TENM2: variants seen among roughly 807,000 people sequenced by gnomAD.
TENM2 encodes the protein teneurin transmembrane protein 2.
Under a neutral mutation model 245.2 loss-of-function variants are expected in TENM2, and 52 were observed. The ratio of observed to expected loss-of-function variants is 0.21; its 90% CI spans 0.17 to 0.27. TENM2 has a LOEUF of 0.27. Among genes scored for constraint, TENM2 ranks in the 10% least tolerant of loss-of-function variants. TENM2 has a pLI of 1.00. For missense variants in TENM2, 3,046 were observed against 3,666.8 expected (o/e 0.83, Z 4.37); for synonymous variants, 1,363 against 1,438.9 (o/e 0.95, Z 1.19).
chr5:167,394,103 C>A (rs746458585), intron 2 of TENM2, among the ~76,000 whole-genome samples: 2 of 152,094 alleles, frequency 1.3e-5, no homozygotes, highest in Non-Finnish European at 2.9e-5. Context: ...TGCTAGTATT[C>A]TTTGCTGTGC....
At chr5:167,130,400 T>G in the TENM2 span, among the ~76,000 whole-genome samples, 1 of 152,202 alleles carries the variant, frequency 6.6e-6, no homozygotes, top group Non-Finnish European at 1.5e-5. Flanking sequence ...GCTTTTACAT[T>G]TATTAAGCCC....
At position 167,606,724 on chromosome 5, in the gene TENM2, C is replaced by T. The variant is rs374287821; in HGVS notation, c.502+231251C>T. On this transcript the variant is annotated intron_variant, in intron 2 of 28. Transcript: ENST00000518659. ...TGCATTTAATGCTTGCCAGGCCTAA[C>T]TCTTCATCCTGTTAGTGATGTAATT... 2.0e-3 allele frequency among the ~76,000 whole-genome samples: 305 copies of T among 152,280 alleles called. 15 individuals are homozygous for T. The South Asian group carries it at 0.061, about 31-fold the overall frequency.
At chr5:167,089,771 T>C in the TENM2 span, among the ~76,000 whole-genome samples, 2 of 152,130 alleles carry the variant, frequency 1.3e-5, no homozygotes, top group Non-Finnish European at 2.9e-5. Context: ...GGAAGAAATA[T>C]CACTTCGCTC....
At chr5:168,059,829 A>C (rs978214080) in intron 6 of TENM2, among the ~76,000 whole-genome samples, 3 of 152,182 alleles carry the variant, frequency 2.0e-5, no homozygotes, top group Non-Finnish European at 4.4e-5. Flanking sequence ...CCTTACAGGT[A>C]ATAATACTTA....
At chr5:167,036,076 A>G in the TENM2 span, among the ~76,000 whole-genome samples, 1 of 152,194 alleles carries the variant, frequency 6.6e-6, no homozygotes, top group Non-Finnish European at 1.5e-5. Context: ...CTGCAAAGAA[A>G]GTTAAACAAG....
intron 2 of TENM2, among the ~76,000 whole-genome samples, chr5:167,846,736 T>C (rs1283444152): frequency 6.6e-6 from 1 of 152,260 alleles, no homozygotes; most frequent in African/African-American, 2.4e-5. Context: ...GACCAATTTA[T>C]TGAACAAGAA....
chr5:167,258,214 T>C, the TENM2 span, among the ~76,000 whole-genome samples: 94,674 of 143,126 alleles, frequency 0.66, 32,419 homozygotes, highest in Middle Eastern at 0.87. Flanking sequence ...TATATATATA[T>C]GTATATATAT....
chr5:167,187,659 C>G, the TENM2 span, among the ~76,000 whole-genome samples: 1 of 152,074 alleles, frequency 6.6e-6, no homozygotes, highest in South Asian at 2.1e-4. Context: ...ATTTCGACCT[C>G]CTTCTCTTCT....
chr5:167,310,267 T>G (rs1442551239), intron 1 of TENM2, among the ~76,000 whole-genome samples: 3 of 152,198 alleles, frequency 2.0e-5, no homozygotes, highest in African/African-American at 7.2e-5. Flanking sequence ...ATAAGCAGTT[T>G]TATTTGCAAT....
chr5:167,999,114 G>C (rs750315682), intron 5 of TENM2, among the ~76,000 whole-genome samples: 1 of 152,160 alleles, frequency 6.6e-6, no homozygotes, highest in Non-Finnish European at 1.5e-5. Context: ...CGCAGACTAG[G>C]AAAAATGTCA....
the TENM2 span, among the ~76,000 whole-genome samples, chr5:167,204,115 T>C: frequency 6.6e-6 from 1 of 151,808 alleles, no homozygotes; most frequent in African/African-American, 2.4e-5. Flanking sequence ...TTACATTCTC[T>C]GTAAGTATTT....
At position 167,698,757 on chromosome 5, in the gene TENM2, C is replaced by T. The variant is rs1220031710; in HGVS notation, c.503-177229C>T. ...AGAGTGCAGTGGTGCGATCTCTGCT[C>T]ACTGCCAGCTCCTCCTCCCGGATTC... On this transcript the variant is annotated intron_variant, in intron 2 of 28. Transcript: ENST00000518659. 4.9e-5 allele frequency among the ~76,000 whole-genome samples: 7 copies of T among 143,570 alleles called. No homozygotes were observed. In the Admixed American group the frequency reaches 5.0e-4, roughly 10 times the overall value. The allele number at this position is 143,570 out of a possible 152,430, so 94.2% of individuals were successfully genotyped here. A position where few individuals can be genotyped will look rare whatever the true frequency, so the allele number is the denominator to read the frequency against.
the TENM2 span, among the ~76,000 whole-genome samples, chr5:167,026,157 A>G: frequency 1.3e-5 from 2 of 152,236 alleles, no homozygotes; most frequent in African/African-American, 4.8e-5. Flanking sequence ...CAGTAACTGC[A>G]CACTGGTCAG....
At position 167,634,704 on chromosome 5, in the gene TENM2, T is replaced by C. The variant is rs535751485; in HGVS notation, c.503-241282T>C. Among the ~76,000 whole-genome samples the C allele has an allele frequency of 3.3e-5, 5 of 152,230 alleles. No individual in the cohort carries two copies. The South Asian group carries it at 1.0e-3, about 32-fold the overall frequency. Reference sequence around the variant, plus strand: ...GTACTTAAGCTTAAGCAATCCCATCTGAATCCCCTTAGTTCCCTAGCTTAC... The same window carrying C: ...GTACTTAAGCTTAAGCAATCCCATCCGAATCCCCTTAGTTCCCTAGCTTAC... On this transcript the variant is annotated intron_variant, in intron 2 of 28. Transcript: ENST00000518659.
chr5:167,323,961 T>C (rs1452989729), intron 1 of TENM2, among the ~76,000 whole-genome samples: 2 of 152,180 alleles, frequency 1.3e-5, no homozygotes, highest in African/African-American at 2.4e-5. Flanking sequence ...ACTATTCTGA[T>C]GTAAGATCAA....
chr5:167,247,903 G>A, the TENM2 span, among the ~76,000 whole-genome samples: 4 of 152,140 alleles, frequency 2.6e-5, no homozygotes, highest in South Asian at 8.3e-4. Flanking sequence ...TAAATCCATC[G>A]TATCACAGGA....
intron 27 of TENM2, among the ~76,000 whole-genome samples, chr5:168,258,399 G>A (rs1192520781): frequency 6.6e-6 from 1 of 152,102 alleles, no homozygotes; most frequent in Non-Finnish European, 1.5e-5. Context: ...TACTCGGGAG[G>A]CTGAGGCAAG....
chr5:167,247,382 G>T, the TENM2 span, among the ~76,000 whole-genome samples: 5 of 152,148 alleles, frequency 3.3e-5, no homozygotes, highest in African/African-American at 1.2e-4. Flanking sequence ...TTGCAGTTTT[G>T]AAATGGGAGG....
chr5:167,370,617 A>T (rs1760359365), intron 1 of TENM2, among the ~76,000 whole-genome samples: 1 of 152,236 alleles, frequency 6.6e-6, no homozygotes, highest in Non-Finnish European at 1.5e-5. Flanking sequence ...ATAATGTACC[A>T]TGGGGCCACA....
Sources: gnomAD v4.1 joint callset for allele counts (sites outside exome capture counted in the v4.1 genomes callset) on GRCh38, gnomAD v4.1.1 for gene constraint, MANE v1.5 for transcripts, NCBI Gene and HGNC (gene_info 2026-07-23, HGNC 2026-07-21) for gene names.